The following ZMIZ1 variants were observed in gnomAD, a reference collection of about 807,000 sequenced individuals.
The protein encoded by ZMIZ1 is zinc finger MIZ domain-containing protein 1.
Under a neutral mutation model 113.9 loss-of-function variants are expected in ZMIZ1, and 17 were observed. The observed-to-expected ratio is 0.15, with a 90% CI of 0.10 to 0.22. The LOEUF is 0.22. ZMIZ1 is among the 10% of genes least tolerant of loss of function. The pLI, the probability that ZMIZ1 is intolerant of heterozygous loss-of-function variation, is 1.00. For missense variants in ZMIZ1, 1,059 were observed against 1,477.8 expected, an observed-to-expected ratio of 0.72 and a Z score of 4.65; for synonymous variants, 607 against 603.1, an observed-to-expected ratio of 1.01 and a Z score of -0.09.
chr10:79,115,041 G>A (rs1843961855), intron 1 of ZMIZ1, among the ~76,000 whole-genome samples: 1 of 152,222 alleles, frequency 6.6e-6, no homozygotes, highest in Admixed American at 6.5e-5. Flanking sequence ...GGAAGTTGTG[G>A]GTTTAACAAT....
chr10:79,165,432 G>C (rs1234292739), intron 4 of ZMIZ1, among the ~76,000 whole-genome samples: 1 of 152,216 alleles, frequency 6.6e-6, no homozygotes, highest in Non-Finnish European at 1.5e-5. Context: ...CAGAGGGAGG[G>C]AGGGAGGAGG....
intron 4 of ZMIZ1, among the ~76,000 whole-genome samples, chr10:79,176,552 A>G (rs1469003039): frequency 6.6e-6 from 1 of 152,090 alleles, no homozygotes; most frequent in Non-Finnish European, 1.5e-5. Flanking sequence ...CATTGGCATA[A>G]CATTCGGTGC....
chr10:79,190,984 T>G (rs1427203224), intron 4 of ZMIZ1, among the ~76,000 whole-genome samples: 1 of 152,132 alleles, frequency 6.6e-6, no homozygotes, highest in African/African-American at 2.4e-5. Flanking sequence ...CTTCATCTCA[T>G]GTGTTGGTAC....
At chr10:79,100,504 G>T (rs1419307521) in intron 1 of ZMIZ1, among the ~76,000 whole-genome samples, 3 of 151,980 alleles carry the variant, frequency 2.0e-5, no homozygotes, top group Non-Finnish European at 4.4e-5. Context: ...GCAAAGCCTG[G>T]GAGCTCAGTG....
At chr10:79,070,650 A>G (rs1037096071) in intron 1 of ZMIZ1, among the ~76,000 whole-genome samples, 3 of 150,284 alleles carry the variant, frequency 2.0e-5, no homozygotes, top group Admixed American at 6.6e-5. Flanking sequence ...TCGTCCCTCC[A>G]GCAGGTCACA....
chr10:79,178,514 T>C (rs1322116110), intron 4 of ZMIZ1, among the ~76,000 whole-genome samples: 2 of 151,784 alleles, frequency 1.3e-5, no homozygotes, highest in Non-Finnish European at 2.9e-5. Flanking sequence ...TGGGCGGGGG[T>C]GAAGGAGGTC....
intron 7 of ZMIZ1, among the ~76,000 whole-genome samples, chr10:79,236,706 G>A (rs2132808630): frequency 6.6e-6 from 1 of 152,322 alleles, no homozygotes; most frequent in African/African-American, 2.4e-5. Context: ...GGGCAGGGCA[G>A]CAGGGCCACC....
intron 7 of ZMIZ1, among the ~76,000 whole-genome samples, chr10:79,224,456 C>A (rs1050753948): frequency 2.6e-5 from 4 of 152,108 alleles, no homozygotes; most frequent in Admixed American, 6.5e-5. Flanking sequence ...AGGGGACAGA[C>A]CTCTCATCTG....
intron 3 of ZMIZ1, among the ~76,000 whole-genome samples, chr10:79,140,515 A>G (rs1180573418): frequency 2.6e-5 from 4 of 152,166 alleles, no homozygotes; most frequent in African/African-American, 9.7e-5. Flanking sequence ...AGCAACCACT[A>G]GTCTGTATTG....
rs1855356338 is a variant in ZMIZ1 at position 79,313,770 on chromosome 10, T to C, written c.*1021T>C. ...CTCTCCGTCTGTTCTGTTTTTCTCC[T>C]AGTCCCTCTCCTGCCACCTCTCCAA... is the stretch of plus-strand genomic sequence containing the variant. On this transcript the variant is annotated 3_prime_UTR_variant, in exon 25 of 25. Coordinates refer to ENST00000334512, the MANE Select transcript of ZMIZ1 (RefSeq NM_020338.4). 2 of 335,230 alleles carry C rather than the reference T, an allele frequency of 6.0e-6. No individual in the cohort carries two copies. The highest frequency in any genetic ancestry group is 2.3e-5 in the South Asian group (1 of 42,892). 20.8% of individuals were successfully genotyped at this position (335,230 alleles called of 1,614,324 possible).
At chr10:79,218,505 CA>C (rs781166504) in intron 7 of ZMIZ1, among the ~76,000 whole-genome samples, 1 of 150,246 alleles carries the variant, frequency 6.7e-6, no homozygotes, top group Non-Finnish European at 1.5e-5. Flanking sequence ...GAAACAACAA[CA>C]AAAAAACCTA....
chr10:79,199,401 G>T (rs1847976693), intron 4 of ZMIZ1, among the ~76,000 whole-genome samples: 1 of 152,040 alleles, frequency 6.6e-6, no homozygotes, highest in Non-Finnish European at 1.5e-5. Context: ...AGCTACTTGG[G>T]ATGCTGAGGC....
At chr10:79,240,233 C>T (rs558846809) in intron 7 of ZMIZ1, among the ~76,000 whole-genome samples, 1 of 152,396 alleles carries the variant, frequency 6.6e-6, no homozygotes, top group Non-Finnish European at 1.5e-5. Context: ...GGCTATGCCC[C>T]CCTTGCCGAG....
At chr10:79,214,154 TC>T (rs1848628558) in intron 6 of ZMIZ1, among the ~76,000 whole-genome samples, 1 of 152,102 alleles carries the variant, frequency 6.6e-6, no homozygotes, top group African/African-American at 2.4e-5. Flanking sequence ...CTTGAAATAT[TC>T]AACAGGCCAT....
chr10:79,306,077 C>T, intron 21 of ZMIZ1, 23 bp from the exon 22 acceptor site: 1 of 1,605,228 alleles, frequency 6.2e-7, no homozygotes, highest in Non-Finnish European at 8.5e-7. Flanking sequence ...GGAGCCTCAG[C>T]TCTGCCACCC....
intron 4 of ZMIZ1, among the ~76,000 whole-genome samples, chr10:79,180,781 G>C (rs1349331425): frequency 6.6e-6 from 1 of 152,192 alleles, no homozygotes; most frequent in African/African-American, 2.4e-5. Context: ...TTCAGACAGG[G>C]CCATGCAGAG....
intron 7 of ZMIZ1, among the ~76,000 whole-genome samples, chr10:79,253,479 G>A (rs1188326885): frequency 6.6e-6 from 1 of 152,148 alleles, no homozygotes. Context: ...GTGCCGTCTT[G>A]GATTGTCTTG....
chr10:79,208,512 C>G, intron 6 of ZMIZ1, 63 bp downstream of exon 6: 1 of 1,411,354 alleles, frequency 7.1e-7, no homozygotes, highest in Non-Finnish European at 9.8e-7. Context: ...GCTAGCGTGC[C>G]TGTCCAGGTT....
At chr10:79,303,909 C>T in intron 18 of ZMIZ1, 106 bp from the exon 19 acceptor site, 1 of 1,491,620 alleles carries the variant, frequency 6.7e-7, no homozygotes. Flanking sequence ...GGGAGGAGAA[C>T]CAGGACATGC....
Sources: gnomAD v4.1 joint callset for allele counts (sites outside exome capture counted in the v4.1 genomes callset) on GRCh38, gnomAD v4.1.1 for gene constraint, MANE v1.5 for transcripts, NCBI Gene and HGNC (gene_info 2026-07-23, HGNC 2026-07-21) for gene names.